SVIL: variants seen among roughly 807,000 people sequenced by gnomAD.
The protein encoded by SVIL is supervillin.
A neutral mutation model predicts 240.4 loss-of-function variants in SVIL; 101 were observed. The ratio of observed to expected loss-of-function variants is 0.42; its 90% CI spans 0.36 to 0.50. SVIL has a LOEUF of 0.50. SVIL is among the 20% of genes least tolerant of loss of function. The pLI, the probability that SVIL is intolerant of heterozygous loss-of-function variation, is 0.01. For missense variants in SVIL, 2,512 were observed against 2,818.7 expected (o/e 0.89, Z 2.46); for synonymous variants, 999 against 1,100.0 (o/e 0.91, Z 1.82).
intron 1 of SVIL, among the ~76,000 whole-genome samples, chr10:29,712,402 G>C (rs971027422): frequency 2.6e-5 from 4 of 152,126 alleles, no homozygotes; most frequent in African/African-American, 9.7e-5. Context: ...TGCGACCTTA[G>C]CTGGTTGTTA....
intron 17 of SVIL, among the ~76,000 whole-genome samples, chr10:29,507,282 T>C (rs979292236): frequency 9.2e-5 from 14 of 152,148 alleles, no homozygotes; most frequent in African/African-American, 3.1e-4. Flanking sequence ...CTCACTGAGC[T>C]GGAGCGAAGA....
chr10:29,640,868 T>C (rs1958461487), intron 3 of SVIL, among the ~76,000 whole-genome samples: 2 of 152,138 alleles, frequency 1.3e-5, no homozygotes, highest in Non-Finnish European at 2.9e-5. Context: ...ACTTCCAGAA[T>C]GGCCTTTAAA....
intron 21 of SVIL, among the ~76,000 whole-genome samples, chr10:29,492,865 CA>C (rs1948100098): frequency 6.6e-6 from 1 of 152,206 alleles, no homozygotes; most frequent in African/African-American, 2.4e-5. Context: ...AAATGAAAGA[CA>C]GGCGTTGAAC....
intron 3 of SVIL, among the ~76,000 whole-genome samples, chr10:29,556,041 C>T (rs116567141): frequency 1.5e-3 from 232 of 152,218 alleles, no homozygotes; most frequent in African/African-American, 5.3e-3. Flanking sequence ...AGGTAATTAC[C>T]CCAATGTTTC....
In SVIL at chr10:29,526,996, G is replaced by A; in HGVS notation, c.2307C>T (p.Ser769=). 1 of 1,612,330 alleles carries A rather than the reference G, an allele frequency of 6.2e-7. No individual in the cohort carries two copies. The highest frequency in any genetic ancestry group is 1.1e-5 in the South Asian group (1 of 90,782). ...GTHPVMARLP[S]PTVARSAVQP... ...GCACAGCGCTCCTAGCTACAGTGGGGCTAGGAAGTCTCGCCATTACAGGGT... is the reference window on the plus strand; with the variant it reads ...GCACAGCGCTCCTAGCTACAGTGGGACTAGGAAGTCTCGCCATTACAGGGT... The change falls in exon 13 of 38, where the codon AGC becomes AGT. Residue 769 remains serine, a synonymous_variant. Transcript: ENST00000355867.
At chr10:29,711,885 G>A (rs1381899651) in intron 1 of SVIL, 2 of 152,290 alleles carry the variant, frequency 1.3e-5, no homozygotes, top group East Asian at 1.9e-4. Flanking sequence ...CCAGCACTTT[G>A]GGAGGTCAAG....
At chr10:29,696,745 C>T (rs1259044748) in intron 1 of SVIL, among the ~76,000 whole-genome samples, 3 of 150,180 alleles carry the variant, frequency 2.0e-5, no homozygotes, top group African/African-American at 4.9e-5. Context: ...GTGAGGAGCC[C>T]CTCCGCCTGG....
intron 20 of SVIL, among the ~76,000 whole-genome samples, chr10:29,493,840 A>C (rs910227713): frequency 1.3e-5 from 2 of 152,232 alleles, no homozygotes; most frequent in Non-Finnish European, 2.9e-5. Flanking sequence ...TATTGACAAT[A>C]GTTCACAAAT....
chr10:29,553,453 C>T (rs1419327853), intron 5 of SVIL, among the ~76,000 whole-genome samples: 3 of 152,022 alleles, frequency 2.0e-5, no homozygotes, highest in African/African-American at 4.8e-5. Context: ...TGGTGGCGGG[C>T]ACCTGTAATC....
intron 2 of SVIL, among the ~76,000 whole-genome samples, chr10:29,663,535 T>C (rs1379103488): frequency 2.6e-5 from 4 of 152,200 alleles, no homozygotes; most frequent in Non-Finnish European, 4.4e-5. Context: ...TTTTGTATTT[T>C]AGTAGAGACG....
intron 8 of SVIL, 113 bp downstream of exon 8, chr10:29,532,416 T>C (rs1355584387): frequency 1.4e-6 from 2 of 1,461,030 alleles, no homozygotes; most frequent in Non-Finnish European, 1.8e-6. Context: ...TGCACGCACT[T>C]GTGAGCTAAG....
intron 17 of SVIL, among the ~76,000 whole-genome samples, chr10:29,500,411 T>G (rs1948787352): frequency 6.6e-6 from 1 of 152,010 alleles, no homozygotes; most frequent in African/African-American, 2.4e-5. Context: ...AGGTGCCCCC[T>G]CCAGAGCAGA....
chr10:29,508,875 C>T (rs1187758975), intron 17 of SVIL, among the ~76,000 whole-genome samples: 3 of 152,222 alleles, frequency 2.0e-5, no homozygotes, highest in Non-Finnish European at 4.4e-5. Context: ...TGGAAAATGT[C>T]TGATTCGCTG....
chr10:29,520,223 C>A (rs1950471950), intron 16 of SVIL, among the ~76,000 whole-genome samples: 1 of 152,160 alleles, frequency 6.6e-6, no homozygotes, highest in African/African-American at 2.4e-5. Flanking sequence ...GGGAATACCC[C>A]AGGGATATTT....
At chr10:29,487,518 C>T (rs1445830771) in intron 23 of SVIL, 1 of 560,880 alleles carries the variant, frequency 1.8e-6, no homozygotes, top group Non-Finnish European at 3.1e-6. Context: ...AAATGTCACC[C>T]ACTTCTCAGG....
At chr10:29,643,529 G>A (rs34236214) in intron 3 of SVIL, among the ~76,000 whole-genome samples, 4,213 of 152,178 alleles carry the variant, frequency 0.028, 87 homozygotes, top group Non-Finnish European at 0.039. Context: ...TCGAGCTTGT[G>A]GCCTTCTGTA....
At chr10:29,562,651 T>C (rs144649945) in intron 3 of SVIL, among the ~76,000 whole-genome samples, 8,177 of 151,476 alleles carry the variant, frequency 0.054, 272 homozygotes, top group Admixed American at 0.11. Context: ...GTCCCAGCTA[T>C]TCGGGAGGCT....
intron 1 of SVIL, chr10:29,712,087 C>T (rs2132670477): frequency 6.6e-6 from 1 of 152,098 alleles, no homozygotes; most frequent in Non-Finnish European, 1.5e-5. Context: ...TTGAGTGATG[C>T]TGCAGTTGTG....
At position 29,592,237 on chromosome 10, in the gene SVIL, G is replaced by A. The variant is rs1419282645; in HGVS notation, c.-200-22925C>T. 5.9e-5 allele frequency among the ~76,000 whole-genome samples: 9 copies of A among 152,336 alleles called. No homozygotes were observed. The East Asian group carries it at 1.5e-3, about 26-fold the overall frequency. The stretch of plus-strand genomic sequence containing the variant: ...ACTGCACTCCAGCCTGGGCAACAGA[G>A]TGAGACTCTTTCTCAAAAATAGAAA... On this transcript the variant is annotated intron_variant, in intron 1 of 37. Transcript: ENST00000355867.
Sources: allele counts gnomAD v4.1 joint callset (sites outside exome capture counted in the v4.1 genomes callset), GRCh38; gene constraint gnomAD v4.1.1; transcripts MANE v1.5; gene names NCBI Gene and HGNC (gene_info 2026-07-23, HGNC 2026-07-21).